The following FSTL5 variants were observed in gnomAD, a reference collection of about 807,000 sequenced individuals.
The protein encoded by FSTL5 is follistatin like 5, also known as follistatin-related protein 5.
In FSTL5, 62 loss-of-function variants were observed where a neutral mutation model predicts 89.1. The ratio of observed to expected loss-of-function variants is 0.70; its 90% CI spans 0.57 to 0.86. FSTL5 has a LOEUF of 0.86. FSTL5 is among the 40% of genes least tolerant of loss of function. FSTL5 has a pLI of 0.00. For missense variants in FSTL5, 1,057 were observed against 1,001.6 expected (o/e 1.06, Z -0.75); for synonymous variants, 383 against 346.2 (o/e 1.11, Z -1.18).
chr4:161,643,217 G>T (rs1484812385), intron 7 of FSTL5, among the ~76,000 whole-genome samples: 1 of 152,090 alleles, frequency 6.6e-6, no homozygotes, highest in Non-Finnish European at 1.5e-5. Flanking sequence ...GCCCATTCTT[G>T]TTCCACTATC....
intron 2 of FSTL5, chr4:162,042,172 T>G (rs1435382750): frequency 6.6e-6 from 1 of 151,832 alleles, no homozygotes; most frequent in East Asian, 1.9e-4. Flanking sequence ...AAAAAAAATG[T>G]TATATGAAGC....
At chr4:161,826,235 C>CT (rs1730663437) in intron 4 of FSTL5, among the ~76,000 whole-genome samples, 1 of 151,914 alleles carries the variant, frequency 6.6e-6, no homozygotes, top group African/African-American at 2.4e-5. Flanking sequence ...CTCCTGTGGT[C>CT]TGAGAGAGTA....
At chr4:161,960,622 C>T (rs1029222721) in intron 3 of FSTL5, among the ~76,000 whole-genome samples, 1 of 152,024 alleles carries the variant, frequency 6.6e-6, no homozygotes, top group Non-Finnish European at 1.5e-5. Context: ...CTAAAAACAA[C>T]TTATGTTAAA....
At chr4:161,402,815 T>C (rs1162681551) in intron 15 of FSTL5, among the ~76,000 whole-genome samples, 1 of 151,806 alleles carries the variant, frequency 6.6e-6, no homozygotes, top group Non-Finnish European at 1.5e-5. Flanking sequence ...ATTAGTTACT[T>C]GCCAGAACTT....
At chr4:161,435,070 A>G (rs1277441745) in intron 15 of FSTL5, among the ~76,000 whole-genome samples, 1 of 152,090 alleles carries the variant, frequency 6.6e-6, no homozygotes, top group East Asian at 1.9e-4. Context: ...TCCCATTGCT[A>G]GGCATATAAC....
chr4:161,824,139 T>C (rs1560866183), intron 4 of FSTL5, among the ~76,000 whole-genome samples: 1 of 152,184 alleles, frequency 6.6e-6, no homozygotes, highest in Non-Finnish European at 1.5e-5. Flanking sequence ...ATTTTTATGG[T>C]TTCAGGTTTT....
chr4:161,924,502 A>G (rs1020287577), intron 3 of FSTL5, among the ~76,000 whole-genome samples: 2 of 151,694 alleles, frequency 1.3e-5, no homozygotes, highest in Admixed American at 1.3e-4. Context: ...TGGTTGGTAT[A>G]TGATACATAA....
chr4:161,789,957 C>T (rs1729402980), intron 4 of FSTL5, among the ~76,000 whole-genome samples: 1 of 152,140 alleles, frequency 6.6e-6, no homozygotes, highest in Admixed American at 6.5e-5. Context: ...ACAAAACAAG[C>T]TTCAAAAAAG....
intron 2 of FSTL5, among the ~76,000 whole-genome samples, chr4:162,060,441 AGTTT>A (rs995597037): frequency 9.2e-5 from 14 of 152,200 alleles, no homozygotes; most frequent in African/African-American, 3.4e-4. Context: ...GAATAAAGTT[AGTTT>A]AATAATGTAT....
chr4:162,090,781 T>C (rs965718922), intron 2 of FSTL5, among the ~76,000 whole-genome samples: 3 of 151,918 alleles, frequency 2.0e-5, no homozygotes, highest in Non-Finnish European at 4.4e-5. Context: ...ATTGCGCCAC[T>C]GCACTCCAAC....
chr4:161,873,377 T>G (rs2126902420), intron 4 of FSTL5, among the ~76,000 whole-genome samples: 1 of 152,086 alleles, frequency 6.6e-6, no homozygotes, highest in Non-Finnish European at 1.5e-5. Flanking sequence ...GGGTTAACAG[T>G]CAAAAAGAAA....
At chr4:161,485,836 C>G (rs1388661587) in intron 12 of FSTL5, among the ~76,000 whole-genome samples, 1 of 151,872 alleles carries the variant, frequency 6.6e-6, no homozygotes, top group Non-Finnish European at 1.5e-5. Flanking sequence ...CTGAAAGAGC[C>G]ATTAATTAAA....
chr4:161,510,349 T>C, intron 11 of FSTL5, 49 bp downstream of exon 11: 2 of 1,200,714 alleles, frequency 1.7e-6, no homozygotes, highest in Middle Eastern at 1.9e-4. Context: ...ACAAATCTAA[T>C]AATAATCAAG....
chr4:161,726,214 CT>C (rs1316048702), intron 6 of FSTL5, among the ~76,000 whole-genome samples: 7 of 128,294 alleles, frequency 5.5e-5, no homozygotes, highest in South Asian at 4.9e-4. Context: ...CTTTTTTTTT[CT>C]TTTTTCTTTT....
chr4:161,413,123 C>A (rs1226365890), intron 15 of FSTL5, among the ~76,000 whole-genome samples: 2 of 151,852 alleles, frequency 1.3e-5, no homozygotes, highest in Non-Finnish European at 2.9e-5. Context: ...AACAAATAGA[C>A]AACCTACAGA....
intron 2 of FSTL5, among the ~76,000 whole-genome samples, chr4:162,042,760 G>T (rs1738015332): frequency 6.6e-6 from 1 of 151,726 alleles, no homozygotes; most frequent in South Asian, 2.1e-4. Context: ...AAAAGAAAAT[G>T]CAGCCATACA....
intron 4 of FSTL5, among the ~76,000 whole-genome samples, chr4:161,807,372 A>T (rs1213848407): frequency 6.6e-6 from 1 of 152,130 alleles, no homozygotes; most frequent in Non-Finnish European, 1.5e-5. Flanking sequence ...AGCCCAGGAG[A>T]TCATTTTAAA....
chr4:161,915,896 A>T (rs1386802799), intron 4 of FSTL5, among the ~76,000 whole-genome samples: 1 of 152,186 alleles, frequency 6.6e-6, no homozygotes, highest in Admixed American at 6.5e-5. Context: ...AAGCTTTACA[A>T]AGGTGCCCTT....
At chr4:161,975,061 T>C (rs1336312939) in intron 3 of FSTL5, among the ~76,000 whole-genome samples, 3 of 136,346 alleles carry the variant, frequency 2.2e-5, no homozygotes, top group Non-Finnish European at 4.6e-5. Context: ...AGATACCATC[T>C]CACACCAGTT....
Sources: allele counts gnomAD v4.1 joint callset (sites outside exome capture counted in the v4.1 genomes callset), GRCh38; gene constraint gnomAD v4.1.1; transcripts MANE v1.5; gene names NCBI Gene and HGNC (gene_info 2026-07-23, HGNC 2026-07-21).